DYM: variants seen among roughly 807,000 people sequenced by gnomAD.
The protein encoded by DYM is dymeclin, also known as dyggve-Melchior-Clausen syndrome protein.
Under a neutral mutation model 93.1 loss-of-function variants are expected in DYM, and 78 were observed. That is an observed-to-expected ratio of 0.84 (90% CI 0.70 to 1.01). The LOEUF (loss-of-function observed/expected upper bound fraction) is 1.01, where lower values mean the gene tolerates loss of function less well. Among genes scored for constraint, DYM ranks in the 50% least tolerant of loss-of-function variants. DYM has a pLI of 0.00. For synonymous variants in DYM, 321 were observed against 319.7 expected, an observed-to-expected ratio of 1.00 and a Z score of -0.04; for missense variants, 789 against 845.0, an observed-to-expected ratio of 0.93 and a Z score of 0.82.
At chr18:49,266,588 G>T (rs953625700) in intron 11 of DYM, among the ~76,000 whole-genome samples, 18 of 152,300 alleles carry the variant, frequency 1.2e-4, no homozygotes, top group African/African-American at 4.1e-4. Flanking sequence ...TCCAGCATGG[G>T]TGGCAAGAGT....
intron 15 of DYM, among the ~76,000 whole-genome samples, chr18:49,124,464 A>T (rs572272523): frequency 6.6e-6 from 1 of 151,240 alleles, no homozygotes; most frequent in African/African-American, 2.4e-5. Flanking sequence ...AGCTATGATC[A>T]TGCCACTGCA....
chr18:49,418,476 TAAGA>T (rs553782547), intron 2 of DYM, among the ~76,000 whole-genome samples: 12 of 152,196 alleles, frequency 7.9e-5, no homozygotes, highest in African/African-American at 1.7e-4. Flanking sequence ...TTAAATAATT[TAAGA>T]AAGATTTTAG....
At chr18:49,414,235 A>G (rs2072641884) in intron 2 of DYM, among the ~76,000 whole-genome samples, 1 of 152,158 alleles carries the variant, frequency 6.6e-6, no homozygotes, top group Non-Finnish European at 1.5e-5. Context: ...TATTCTGGAA[A>G]GGGATGGTGG....
At position 49,314,481 on chromosome 18, in the gene DYM, A is replaced by G. The variant is rs1032591649; in HGVS notation, c.763+17383T>C. Among the ~76,000 whole-genome samples the G allele has an allele frequency of 5.3e-5, 8 of 152,348 alleles. No homozygotes were observed. In the East Asian group the frequency reaches 9.6e-4, roughly 18 times the overall value. On this transcript the variant is annotated intron_variant, in intron 8 of 17. Transcript: ENST00000675505. ...GTGCGAATTCCTATGGAGTACATCT[A>G]AGAATGGAGACAGTGTGTTAAAGAG...
intron 10 of DYM, among the ~76,000 whole-genome samples, chr18:49,276,715 G>A (rs192746648): frequency 1.5e-3 from 222 of 152,250 alleles, no homozygotes; most frequent in African/African-American, 5.0e-3. Flanking sequence ...TGTTAGCCAC[G>A]TTAAGAGTAA....
chr18:49,213,470 C>T (rs2092887617), intron 13 of DYM, among the ~76,000 whole-genome samples: 1 of 152,128 alleles, frequency 6.6e-6, no homozygotes, highest in Non-Finnish European at 1.5e-5. Flanking sequence ...CGCATGCCAC[C>T]ATGCCCAGCT....
intron 14 of DYM, among the ~76,000 whole-genome samples, chr18:49,198,999 C>T (rs2091765536): frequency 1.3e-5 from 2 of 152,058 alleles, no homozygotes; most frequent in South Asian, 2.1e-4. Flanking sequence ...CAATGATAGA[C>T]TGGATTAAGA....
chr18:49,129,833 C>A (rs1485261452), intron 15 of DYM, among the ~76,000 whole-genome samples: 2 of 152,044 alleles, frequency 1.3e-5, no homozygotes, highest in East Asian at 3.9e-4. Context: ...GGCAGCAAAC[C>A]CTCTTGGCCT....
intron 13 of DYM, among the ~76,000 whole-genome samples, chr18:49,228,389 C>T (rs1462331458): frequency 6.6e-6 from 1 of 152,128 alleles, no homozygotes. Flanking sequence ...GGAACTTACA[C>T]AATAATTCCC....
At chr18:49,130,967 C>T (rs1289255393) in intron 15 of DYM, among the ~76,000 whole-genome samples, 3 of 152,196 alleles carry the variant, frequency 2.0e-5, no homozygotes, top group Non-Finnish European at 2.9e-5. Flanking sequence ...ATTCACTGAA[C>T]CTTTTTGAGC....
At chr18:49,097,874 GCTCT>G (rs61301668) in intron 16 of DYM, among the ~76,000 whole-genome samples, 5,092 of 141,114 alleles carry the variant, frequency 0.036, 198 homozygotes, top group East Asian at 0.095. Flanking sequence ...CTTAATATTA[GCTCT>G]CTCTCTCTCT....
At chr18:49,339,243 C>T (rs1599534197) in intron 6 of DYM, among the ~76,000 whole-genome samples, 2 of 152,220 alleles carry the variant, frequency 1.3e-5, no homozygotes, top group Non-Finnish European at 1.5e-5. Flanking sequence ...CAGACACACA[C>T]GCGTGCATGC....
At chr18:49,407,008 G>A (rs1046782140) in intron 2 of DYM, among the ~76,000 whole-genome samples, 5 of 152,126 alleles carry the variant, frequency 3.3e-5, no homozygotes, top group Admixed American at 3.3e-4. Flanking sequence ...ACACTACTTA[G>A]CAATTAAAAA....
chr18:49,283,582 AAAG>A (rs1399681861), intron 9 of DYM, among the ~76,000 whole-genome samples: 9 of 152,196 alleles, frequency 5.9e-5, no homozygotes, highest in African/African-American at 1.2e-4. Context: ...AGGAAGCAAC[AAAG>A]AAGATAAAGA....
chr18:49,288,488 T>C (rs900522221), intron 8 of DYM, among the ~76,000 whole-genome samples: 2 of 152,062 alleles, frequency 1.3e-5, no homozygotes, highest in African/African-American at 4.8e-5. Context: ...CTATAAAATG[T>C]CAAATCTAGG....
intron 8 of DYM, among the ~76,000 whole-genome samples, chr18:49,329,186 A>G (rs921994448): frequency 1.3e-5 from 2 of 151,504 alleles, no homozygotes; most frequent in African/African-American, 4.9e-5. Flanking sequence ...TTGCAAGGAC[A>G]GAAAACCAAA....
At chr18:49,239,401 G>C (rs1010691240) in intron 13 of DYM, among the ~76,000 whole-genome samples, 5 of 152,174 alleles carry the variant, frequency 3.3e-5, no homozygotes, top group African/African-American at 4.8e-5. Flanking sequence ...GCAGTCTTGT[G>C]GCAGCTAGCA....
intron 2 of DYM, among the ~76,000 whole-genome samples, chr18:49,407,778 A>G (rs1448184297): frequency 6.6e-6 from 1 of 152,210 alleles, no homozygotes; most frequent in Non-Finnish European, 1.5e-5. Context: ...TGAAATCTCA[A>G]TAAGCTCTGG....
chr18:49,418,435 T>G (rs1484249076), intron 2 of DYM, among the ~76,000 whole-genome samples: 1 of 152,204 alleles, frequency 6.6e-6, no homozygotes, highest in Non-Finnish European at 1.5e-5. Flanking sequence ...GCTGCACAAC[T>G]AATTTTAACA....
Sources: allele counts gnomAD v4.1 joint callset (sites outside exome capture counted in the v4.1 genomes callset), GRCh38; gene constraint gnomAD v4.1.1; transcripts MANE v1.5; gene names NCBI Gene and HGNC (gene_info 2026-07-23, HGNC 2026-07-21).